LEKR1: variants seen among roughly 807,000 people sequenced by gnomAD.
The protein encoded by LEKR1 is protein LEKR1.
LEKR1 carries 59 observed loss-of-function variants against 72.4 expected under a neutral mutation model. The observed-to-expected ratio is 0.82, with a 90% CI of 0.66 to 1.01. The LOEUF is 1.01. Among genes scored for constraint, LEKR1 ranks in the 50% least tolerant of loss-of-function variants. The pLI is 0.00. For synonymous variants in LEKR1, 257 were observed against 263.2 expected (o/e 0.98, Z 0.23); for missense variants, 728 against 759.2 (o/e 0.96, Z 0.48).
chr3:156,834,494 C>T (rs1207913253), intron 2 of LEKR1, among the ~76,000 whole-genome samples: 1 of 152,148 alleles, frequency 6.6e-6, no homozygotes, highest in African/African-American at 2.4e-5. Flanking sequence ...ATTCTACTTC[C>T]TTTATATAAC....
At chr3:156,898,971 C>G (rs918843125) in intron 3 of LEKR1, among the ~76,000 whole-genome samples, 6 of 152,050 alleles carry the variant, frequency 3.9e-5, no homozygotes, top group Non-Finnish European at 7.4e-5. Context: ...ATAGTTGATG[C>G]TGAATCTCTT....
chr3:156,831,230 C>A lies in LEKR1; in HGVS notation c.48+1853C>A, dbSNP rs533550263. ...GCATCAGTCATTAGAAATACAAAAGCCTGAAAAAACATCTCAAAAGGCCAA... is the reference window on the plus strand; with the variant it reads ...GCATCAGTCATTAGAAATACAAAAGACTGAAAAAACATCTCAAAAGGCCAA... On this transcript the variant is annotated intron_variant, in intron 2 of 12. Transcript: ENST00000356539. 5.1e-4 allele frequency among the ~76,000 whole-genome samples: 78 copies of A among 151,984 alleles called. 1 individual carries two copies. In the South Asian group the frequency reaches 0.016, roughly 31 times the overall value.
intron 2 of LEKR1, among the ~76,000 whole-genome samples, chr3:156,851,592 A>G (rs1715372571): frequency 6.6e-6 from 1 of 152,192 alleles, no homozygotes; most frequent in African/African-American, 2.4e-5. Flanking sequence ...TCATTAATCT[A>G]TATCCCATAA....
At chr3:157,036,565 A>G (rs1734982768) in intron 12 of LEKR1, among the ~76,000 whole-genome samples, 1 of 152,198 alleles carries the variant, frequency 6.6e-6, no homozygotes, top group South Asian at 2.1e-4. Context: ...TTTTTCAGAA[A>G]GCTGTTAGAA....
chr3:156,944,344 A>G (rs1332450567), intron 6 of LEKR1, among the ~76,000 whole-genome samples: 2 of 151,846 alleles, frequency 1.3e-5, no homozygotes, highest in African/African-American at 4.8e-5. Context: ...CATACAATGT[A>G]TAATAATTAT....
At chr3:156,862,824 C>T (rs950512525) in intron 3 of LEKR1, among the ~76,000 whole-genome samples, 1 of 152,048 alleles carries the variant, frequency 6.6e-6, no homozygotes, top group Non-Finnish European at 1.5e-5. Context: ...GGTGGAGTTC[C>T]ACTCAGTGGA....
At chr3:156,984,503 C>A (rs2108003091) in intron 7 of LEKR1, among the ~76,000 whole-genome samples, 2 of 152,114 alleles carry the variant, frequency 1.3e-5, no homozygotes, top group East Asian at 3.9e-4. Context: ...ATGGTGAAAC[C>A]TCGCCTTTAC....
At chr3:156,946,672 G>A (rs1056559800) in intron 6 of LEKR1, among the ~76,000 whole-genome samples, 4 of 151,286 alleles carry the variant, frequency 2.6e-5, no homozygotes, top group Non-Finnish European at 3.0e-5. Flanking sequence ...TATATCAAAC[G>A]TTTTTTCAGA....
At chr3:156,885,579 C>T (rs1333083323) in intron 3 of LEKR1, among the ~76,000 whole-genome samples, 2 of 152,166 alleles carry the variant, frequency 1.3e-5, no homozygotes, top group Non-Finnish European at 2.9e-5. Context: ...CCCAGCTGGA[C>T]TACCACAAGT....
chr3:156,937,046 G>GT lies in LEKR1; in HGVS notation c.560-5482dup, dbSNP rs138005046. On this transcript the variant is annotated intron_variant, in intron 5 of 12. Coordinates refer to ENST00000356539, the MANE Select transcript of LEKR1 (RefSeq NM_001004316.3). ...AGTCCCAGCTACTCAGGACGCTGAGGTGGGAGGACTGCTTAATCCCAGGAG... is the reference window on the plus strand; with the variant it reads ...AGTCCCAGCTACTCAGGACGCTGAGGTTGGGAGGACTGCTTAATCCCAGGAG... 6.2e-4 allele frequency among the ~76,000 whole-genome samples: 95 copies of GT among 152,224 alleles called. No individual in the cohort carries two copies. The East Asian group carries it at 0.011, about 17-fold the overall frequency.
intron 6 of LEKR1, among the ~76,000 whole-genome samples, chr3:156,966,864 TG>T (rs1169220627): frequency 1.3e-5 from 2 of 152,134 alleles, no homozygotes; most frequent in Non-Finnish European, 2.9e-5. Flanking sequence ...GTAGCCTAAC[TG>T]GGAGGCACCC....
At chr3:157,030,710 G>A (rs1046063350) in intron 12 of LEKR1, among the ~76,000 whole-genome samples, 4 of 152,200 alleles carry the variant, frequency 2.6e-5, no homozygotes, top group African/African-American at 9.6e-5. Flanking sequence ...AGAGGCTCAA[G>A]TTCTCTCATG....
Position 157,041,105 on chromosome 3 carries a change from A to C in LEKR1, c.1669-4235A>C, listed in dbSNP as rs2874530. Among the ~76,000 whole-genome samples the C allele has an allele frequency of 7.6e-3, 1,155 of 152,236 alleles. 13 individuals carry two copies. The highest frequency in any genetic ancestry group is 0.026 in the African/African-American group (1,098 of 41,528). ...TTTTCATTTTGACATTTTCCTTCTC[A>C]GGGGGAGGGCAATTAAGTCATATTT... On this transcript the variant is annotated intron_variant, in intron 12 of 12. Transcript: ENST00000356539.
At chr3:156,895,947 T>C (rs1213747593) in intron 3 of LEKR1, among the ~76,000 whole-genome samples, 1 of 152,138 alleles carries the variant, frequency 6.6e-6, no homozygotes, top group Non-Finnish European at 1.5e-5. Flanking sequence ...AGCAAAGATA[T>C]GGAATCAACC....
chr3:156,845,164 C>G (rs2108534169), intron 2 of LEKR1, among the ~76,000 whole-genome samples: 1 of 152,082 alleles, frequency 6.6e-6, no homozygotes, highest in Admixed American at 6.5e-5. Flanking sequence ...AAGGTCTCTT[C>G]AAGTCTTTTT....
chr3:156,992,065 T>G (rs1731179842), intron 7 of LEKR1, among the ~76,000 whole-genome samples: 1 of 152,242 alleles, frequency 6.6e-6, no homozygotes, highest in African/African-American at 2.4e-5. Context: ...ACTAGGCTGC[T>G]TGGAATATGC....
chr3:156,991,161 A>G (rs1375228649), intron 7 of LEKR1, among the ~76,000 whole-genome samples: 4 of 152,216 alleles, frequency 2.6e-5, no homozygotes, highest in Non-Finnish European at 4.4e-5. Context: ...ATCAGTGATT[A>G]CAATATTATT....
intron 6 of LEKR1, among the ~76,000 whole-genome samples, chr3:156,971,793 A>G (rs1006859327): frequency 6.6e-6 from 1 of 152,246 alleles, no homozygotes; most frequent in African/African-American, 2.4e-5. Flanking sequence ...ACAATGAGAT[A>G]CCATCTCACA....
At chr3:156,870,250 A>G (rs550790101) in intron 3 of LEKR1, among the ~76,000 whole-genome samples, 2 of 152,136 alleles carry the variant, frequency 1.3e-5, no homozygotes, top group South Asian at 2.1e-4. Context: ...TGACATTGAT[A>G]TTTGAAAGGG....
Sources: gnomAD v4.1 joint callset for allele counts (sites outside exome capture counted in the v4.1 genomes callset) on GRCh38, gnomAD v4.1.1 for gene constraint, MANE v1.5 for transcripts, NCBI Gene and HGNC (gene_info 2026-07-23, HGNC 2026-07-21) for gene names.